DNAJC10: variants seen among roughly 807,000 people sequenced by gnomAD.
DNAJC10 encodes endoplasmic reticulum disulfide reductase DNAJC10.
DNAJC10 carries 101 observed loss-of-function variants against 115.0 expected under a neutral mutation model. The ratio of observed to expected loss-of-function variants is 0.88; its 90% CI spans 0.75 to 1.04. DNAJC10 has a LOEUF of 1.04. Among genes scored for constraint, DNAJC10 ranks in the 50% least tolerant of loss-of-function variants. The pLI, the probability that DNAJC10 is intolerant of heterozygous loss-of-function variation, is 0.00. For synonymous variants in DNAJC10, 307 were observed against 301.5 expected (o/e 1.02, Z -0.19); for missense variants, 981 against 928.8 (o/e 1.06, Z -0.73).
At chr2:182,734,382 G>A (rs1693532286) in intron 10 of DNAJC10, among the ~76,000 whole-genome samples, 1 of 151,220 alleles carries the variant, frequency 6.6e-6, no homozygotes, top group Admixed American at 6.6e-5. Flanking sequence ...AATCATAAAG[G>A]TTATTTTTAA....
rs947921512 is a variant in DNAJC10 at position 182,763,179 on chromosome 2, G to T, written c.2265+378G>T. On this transcript the variant is annotated intron_variant, in intron 22 of 23. Coordinates refer to ENST00000264065, the MANE Select transcript of DNAJC10 (RefSeq NM_018981.4). Reference sequence around the variant, plus strand: ...TACTCTATAATACACACTGCTGCTTGGAATAATATTTCCTTAGTATATTTC... The same window carrying T: ...TACTCTATAATACACACTGCTGCTTTGAATAATATTTCCTTAGTATATTTC... Among the ~76,000 whole-genome samples the T allele has an allele frequency of 4.6e-5, 7 of 151,826 alleles. No homozygotes were observed. In the East Asian group the frequency reaches 1.4e-3, roughly 29 times the overall value.
chr2:182,732,336 T>TGTG lies in DNAJC10; in HGVS notation c.806-163_806-162insGTG, dbSNP rs34295287. 1.3e-3 allele frequency among the ~76,000 whole-genome samples: 193 copies of TGTG among 151,580 alleles called. 4 individuals are homozygous for TGTG. The highest frequency in any genetic ancestry group is 0.01 in the Middle Eastern group (3 of 294). ...TGTGTGTGTGTTTTTGTGTGTGTGTTTGTATGTGTGTGTGTGTAGAAGGAT... is the reference window on the plus strand; with the variant it reads ...TGTGTGTGTGTTTTTGTGTGTGTGTTGTGTGTATGTGTGTGTGTGTAGAAGGAT... On this transcript the variant is annotated intron_variant, in intron 9 of 23. Transcript: ENST00000264065.
intron 22 of DNAJC10, among the ~76,000 whole-genome samples, chr2:182,772,829 G>T (rs1055448621): frequency 4.6e-5 from 7 of 152,086 alleles, no homozygotes; most frequent in Admixed American, 2.0e-4. Flanking sequence ...GGGGCATTTA[G>T]CCCATTTACA....
In DNAJC10 at chr2:182,752,106, T is replaced by C. The variant is rs1694037200; in HGVS notation, c.1469T>C (p.Leu490Ser). Residue 490 changes from leucine (L) to serine (S), a missense_variant, in exon 16 of 24, where the codon TTA (leucine) becomes TCA (serine). Physicochemically the swap from Leu to Ser is moderately radical, Grantham distance 145 (BLOSUM62 -2). Transcript: ENST00000264065. ...CPPCRALLPELRRASNLLYGQ... is the reference protein window; with the variant it reads ...CPPCRALLPESRRASNLLYGQ... ...CCATGTCGAGCTTTACTACCAGAGT[T>C]ACGAAGAGCATCAAATCTTCTTTAT... The C allele has an allele frequency of 6.2e-7, 1 of 1,613,696 alleles. No individual in the cohort carries two copies. Among genetic ancestry groups the C allele is most frequent in the South Asian group, 1.1e-5 (1 of 91,050 alleles).
intron 18 of DNAJC10, 52 bp downstream of exon 18, chr2:182,756,521 T>G: frequency 2.0e-6 from 3 of 1,524,004 alleles, no homozygotes; most frequent in Non-Finnish European, 2.7e-6. Context: ...AGAATGTTTA[T>G]TTAACAGAAT....
rs971961099 is a variant in DNAJC10 at position 182,785,445 on chromosome 2, A to G, written c.*8313A>G. On this transcript the variant is annotated 3_prime_UTR_variant, in exon 24 of 24. Coordinates refer to ENST00000264065, the MANE Select transcript of DNAJC10 (RefSeq NM_018981.4). ...CTCGCCCTGTAGTCAAGTACTTACT[A>G]TGAGTTTGGAAAAATTGCTTACTTC... 6.6e-6 allele frequency: 1 copy of G among 152,134 alleles called. No homozygotes were observed. The highest frequency in any genetic ancestry group is 1.5e-5 in the Non-Finnish European group (1 of 68,008). The allele number at this position is 152,134 out of a possible 1,614,324, so 9.4% of individuals were successfully genotyped here.
At chr2:182,717,603 AC>A (rs1185252145) in intron 2 of DNAJC10, among the ~76,000 whole-genome samples, 3 of 152,244 alleles carry the variant, frequency 2.0e-5, no homozygotes, top group African/African-American at 7.2e-5. Context: ...AAGAGGTATT[AC>A]AGGCAACGCT....
intron 5 of DNAJC10, among the ~76,000 whole-genome samples, chr2:182,727,742 T>C (rs1191164470): frequency 2.6e-5 from 4 of 152,222 alleles, no homozygotes; most frequent in African/African-American, 9.6e-5. Flanking sequence ...TATTTTAAAA[T>C]AATAAATTTT....
intron 14 of DNAJC10, among the ~76,000 whole-genome samples, chr2:182,750,873 T>TG (rs1464380219): frequency 6.6e-6 from 1 of 152,218 alleles, no homozygotes; most frequent in Non-Finnish European, 1.5e-5. Context: ...ATCATATATG[T>TG]GGTCCACCAT....
At chr2:182,734,926 C>A (rs1481567553) in intron 10 of DNAJC10, among the ~76,000 whole-genome samples, 7 of 151,178 alleles carry the variant, frequency 4.6e-5, no homozygotes, top group African/African-American at 1.7e-4. Flanking sequence ...TTTACTGTCA[C>A]CCTTACTGTA....
At chr2:182,723,214 A>G (rs903410741) in intron 5 of DNAJC10, among the ~76,000 whole-genome samples, 19 of 151,742 alleles carry the variant, frequency 1.3e-4, no homozygotes, top group African/African-American at 4.1e-4. Context: ...TAATTTTTGT[A>G]TTTGTATTTT....
At position 182,791,094 on chromosome 2, in the gene DNAJC10, C is replaced by T. The variant is rs1695041914; in HGVS notation, c.*13962C>T. On this transcript the variant is annotated 3_prime_UTR_variant, in exon 24 of 24. Coordinates refer to ENST00000264065, the MANE Select transcript of DNAJC10 (RefSeq NM_018981.4). ...CTACATAAATTTAGTGGATAAATACCCCCACAGAGATCGACCCTGCATGAA... is the reference window on the plus strand; with the variant it reads ...CTACATAAATTTAGTGGATAAATACTCCCACAGAGATCGACCCTGCATGAA... The T allele has an allele frequency of 6.6e-6, 1 of 151,634 alleles. No individual in the cohort carries two copies. Among genetic ancestry groups the T allele is most frequent in the South Asian group, 2.1e-4 (1 of 4,804 alleles). 9.4% of individuals were successfully genotyped at this position (151,634 alleles called of 1,614,324 possible).
At chr2:182,731,588 C>T (rs946615003) in intron 9 of DNAJC10, among the ~76,000 whole-genome samples, 1 of 152,130 alleles carries the variant, frequency 6.6e-6, no homozygotes, top group Non-Finnish European at 1.5e-5. Flanking sequence ...AAATTCAGTA[C>T]TCTGCATAGC....
At chr2:182,757,866 TTTAA>T (rs1694197279) in intron 19 of DNAJC10, 41 bp downstream of exon 19, 1 of 1,179,942 alleles carries the variant, frequency 8.5e-7, no homozygotes, top group African/African-American at 1.6e-5. Context: ...ATTATAATTA[TTTAA>T]TTATACACTT....
chr2:182,721,927 T>A (rs1693160415), intron 4 of DNAJC10, 98 bp from the exon 5 acceptor site: 5 of 670,624 alleles, frequency 7.5e-6, no homozygotes, highest in Non-Finnish European at 1.2e-5. Flanking sequence ...ATATAGTAGT[T>A]TGATTTTTTT....
intron 4 of DNAJC10, among the ~76,000 whole-genome samples, 179 bp downstream of exon 4, chr2:182,720,348 G>A (rs1574914944): frequency 4.6e-5 from 7 of 152,276 alleles, no homozygotes; most frequent in Admixed American, 4.6e-4. Context: ...GATCTGTACA[G>A]ATATGAAGTT....
At chr2:182,767,708 A>G (rs537336614) in intron 22 of DNAJC10, among the ~76,000 whole-genome samples, 8 of 152,128 alleles carry the variant, frequency 5.3e-5, no homozygotes, top group South Asian at 2.1e-4. Flanking sequence ...AGTCCACCCC[A>G]GCATCATCCG....
At chr2:182,751,902 G>T in intron 15 of DNAJC10, 117 bp downstream of exon 15, 2 of 1,332,482 alleles carry the variant, frequency 1.5e-6, no homozygotes, top group Non-Finnish European at 2.1e-6. Context: ...ATTCCATTAT[G>T]GCCACTAATG....
At chr2:182,730,607 A>G in intron 8 of DNAJC10, 1 of 446,382 alleles carries the variant, frequency 2.2e-6, no homozygotes, top group South Asian at 1.6e-5. Flanking sequence ...TACTTCTTGA[A>G]AGAAGTCATA....
Sources: allele counts gnomAD v4.1 joint callset (sites outside exome capture counted in the v4.1 genomes callset), GRCh38; gene constraint gnomAD v4.1.1; transcripts MANE v1.5; gene names NCBI Gene and HGNC (gene_info 2026-07-23, HGNC 2026-07-21).